Variants in ANKRD12 observed in about 807,000 individuals in gnomAD.
ANKRD12 encodes ankyrin repeat domain 12.
A neutral mutation model predicts 183.4 loss-of-function variants in ANKRD12; 85 were observed. The observed-to-expected ratio is 0.46, with a 90% confidence interval of 0.39 to 0.56. The LOEUF is 0.56. Among genes scored for constraint, ANKRD12 ranks in the 20% least tolerant of loss-of-function variants. The pLI, the probability that ANKRD12 is intolerant of heterozygous loss-of-function variation, is 0.00. For missense variants in ANKRD12, 2,405 were observed against 2,357.1 expected, an observed-to-expected ratio of 1.02 and a Z score of -0.42; for synonymous variants, 914 against 800.2, an observed-to-expected ratio of 1.14 and a Z score of -2.40.
intron 12 of ANKRD12, 62 bp from the exon 13 acceptor site, chr18:9,280,879 T>A: frequency 6.5e-7 from 1 of 1,527,508 alleles, no homozygotes; most frequent in Admixed American, 2.1e-5. Flanking sequence ...TGGATGAGAT[T>A]AATTTTTAAA....
At chr18:9,182,621 T>G in intron 2 of ANKRD12, 102 bp downstream of exon 2, 1 of 654,848 alleles carries the variant, frequency 1.5e-6, no homozygotes, top group Admixed American at 3.5e-5. Flanking sequence ...CCAATATGGA[T>G]GCCAGATAAA....
intron 8 of ANKRD12, chr18:9,235,779 AC>A (rs1285511359): frequency 7.1e-6 from 3 of 423,686 alleles, no homozygotes; most frequent in Non-Finnish European, 1.4e-5. Context: ...TGGAAAAGAA[AC>A]AGAAGAAGAC....
At chr18:9,142,192 G>T (rs965046359) in intron 1 of ANKRD12, among the ~76,000 whole-genome samples, 6 of 152,184 alleles carry the variant, frequency 3.9e-5, no homozygotes, top group Non-Finnish European at 8.8e-5. Context: ...AAAACCATTT[G>T]TGGCTCTCTT....
intron 2 of ANKRD12, among the ~76,000 whole-genome samples, chr18:9,189,548 A>G (rs528866560): frequency 3.9e-5 from 6 of 152,360 alleles, no homozygotes; most frequent in Admixed American, 6.5e-5. Flanking sequence ...CCTGGCTTCA[A>G]AGCTTCAGAG....
At chr18:9,149,609 T>C (rs548768151) in intron 1 of ANKRD12, among the ~76,000 whole-genome samples, 10 of 152,218 alleles carry the variant, frequency 6.6e-5, no homozygotes, top group Admixed American at 2.6e-4. Context: ...AATTTCCTTC[T>C]AATGTATTTT....
At chr18:9,263,362 T>C (rs763818137) in intron 9 of ANKRD12, among the ~76,000 whole-genome samples, 9 of 151,546 alleles carry the variant, frequency 5.9e-5, no homozygotes, top group Non-Finnish European at 8.8e-5. Flanking sequence ...CTCAGGACTT[T>C]AGTGTTTGAT....
At chr18:9,274,291 A>G (rs1200735969) in intron 10 of ANKRD12, among the ~76,000 whole-genome samples, 1 of 152,250 alleles carries the variant, frequency 6.6e-6, no homozygotes, top group Non-Finnish European at 1.5e-5. Context: ...CTTCAAGCCC[A>G]AATGTCTATC....
At chr18:9,173,727 C>A (rs913145721) in intron 1 of ANKRD12, among the ~76,000 whole-genome samples, 4 of 152,080 alleles carry the variant, frequency 2.6e-5, no homozygotes, top group Non-Finnish European at 2.9e-5. Context: ...GGGACAGGAT[C>A]AGGGACCTGC....
Position 9,257,885 on chromosome 18 carries a change from G to C in ANKRD12, c.4618G>C (p.Glu1540Gln). Reference sequence around the variant, plus strand: ...TAGTTCTGCTTTAGATACTGATAATGAATCTACAAAAGATACAGAAAATAC... The same window carrying C: ...TAGTTCTGCTTTAGATACTGATAATCAATCTACAAAAGATACAGAAAATAC... ...IISSALDTDN[E>Q]STKDTENTFV... is the part of the protein sequence containing the mutation. The change falls in exon 9 of 13, where the codon GAA becomes CAA. Residue 1540 changes from glutamate to glutamine, a missense_variant. By Grantham distance (29) the Glu-to-Gln change is conservative. Around this residue, in one of 7 missense-constraint regions of ANKRD12, gnomAD observed 1,983 missense variants for 1,725.9 expected, o/e 1.15. Transcript: ENST00000262126. The C allele has an allele frequency of 6.2e-7, 1 of 1,613,630 alleles. No individual in the cohort carries two copies. The highest frequency in any genetic ancestry group is 8.5e-7 in the Non-Finnish European group (1 of 1,179,870).
At chr18:9,263,694 GT>G (rs751643555) in intron 9 of ANKRD12, 95 bp from the exon 10 acceptor site, 2 of 837,160 alleles carry the variant, frequency 2.4e-6, no homozygotes, top group South Asian at 3.5e-5. Flanking sequence ...ATCAGAATTT[GT>G]TTTTTTATGC....
chr18:9,254,486 T>C lies in ANKRD12; in HGVS notation c.1219T>C (p.Tyr407His), dbSNP rs200576727. The C allele has an allele frequency of 8.4e-6, 13 of 1,550,790 alleles. No individual in the cohort carries two copies. Residue 407 changes from tyrosine to histidine, a missense_variant, in exon 9 of 13, where the codon TAT (tyrosine) becomes CAT (histidine). By Grantham distance (83) the Tyr-to-His change is moderately conservative. Coordinates refer to ENST00000262126, the MANE Select transcript of ANKRD12 (RefSeq NM_015208.5). ...ATTTGCAAAACAGGAGAAAGCCTTC[T>C]ATCCTAAATCATTTAAAAGTAAAAA... Reference protein sequence around the residue: ...HLFAKQEKAFYPKSFKSKKQK... With the variant: ...HLFAKQEKAFHPKSFKSKKQK...
At position 9,257,078 on chromosome 18, in the gene ANKRD12, G is replaced by C; in HGVS notation, c.3811G>C (p.Glu1271Gln). The C allele has an allele frequency of 6.2e-7, 1 of 1,614,098 alleles. No individual in the cohort carries two copies. ...ATTGGACAGCCTGGCTGACTTGCCGGAGCGGATTAAACCACCATATGCAAA... is the reference window on the plus strand; with the variant it reads ...ATTGGACAGCCTGGCTGACTTGCCGCAGCGGATTAAACCACCATATGCAAA... The part of the protein sequence containing the change: ...RELDSLADLP[E>Q]RIKPPYANRL... The change falls in exon 9 of 13, where the codon GAG becomes CAG. Residue 1271 changes from glutamate to glutamine, a missense_variant. By Grantham distance (29) the Glu-to-Gln change is conservative. Transcript: ENST00000262126.
intron 1 of ANKRD12, among the ~76,000 whole-genome samples, chr18:9,173,063 G>C (rs2032900062): frequency 6.9e-6 from 1 of 145,330 alleles, no homozygotes; most frequent in African/African-American, 2.7e-5. Context: ...AGCTGAGGTT[G>C]CTGATTTTTT....
chr18:9,222,137 A>G, intron 8 of ANKRD12, 138 bp downstream of exon 8: 1 of 1,069,300 alleles, frequency 9.4e-7, no homozygotes, highest in Admixed American at 2.5e-5. Context: ...TTAGCTAACT[A>G]GCTAAGAATG....
At position 9,282,668 on chromosome 18, in the gene ANKRD12, G is replaced by C. The variant is rs1041825035; in HGVS notation, c.*1542G>C. On this transcript the variant is annotated 3_prime_UTR_variant, in exon 13 of 13. Coordinates refer to ENST00000262126, the MANE Select transcript of ANKRD12 (RefSeq NM_015208.5). ...TGAATTATAATACTGAATGTTTTCT[G>C]TTCCGATAGAGAAAAGTGAAGCAAA... The C allele has an allele frequency of 6.6e-6, 1 of 152,516 alleles. No homozygotes were observed. Among genetic ancestry groups the C allele is most frequent in the Non-Finnish European group, 1.5e-5 (1 of 67,988 alleles). 9.4% of individuals were successfully genotyped at this position (152,516 alleles called of 1,614,324 possible).
chr18:9,149,793 A>ATTTTTTTTTT (rs11403682), intron 1 of ANKRD12, among the ~76,000 whole-genome samples: 2 of 145,052 alleles, frequency 1.4e-5, no homozygotes, highest in African/African-American at 5.1e-5. Context: ...TATTTATTAA[A>ATTTTTTTTTT]TTTTATTTTT....
intron 5 of ANKRD12, among the ~76,000 whole-genome samples, chr18:9,209,637 G>T (rs370727255): frequency 1.6e-4 from 25 of 152,184 alleles, no homozygotes; most frequent in African/African-American, 5.8e-4. Flanking sequence ...AGGGCTTCCT[G>T]CTTTTAAAAA....
At chr18:9,253,766 A>G (rs758649887) in intron 8 of ANKRD12, among the ~76,000 whole-genome samples, 27 of 152,186 alleles carry the variant, frequency 1.8e-4, no homozygotes, top group Non-Finnish European at 4.4e-5. Flanking sequence ...ACCCTTGTAC[A>G]CTGTTGGTGA....
chr18:9,190,156 G>T (rs1048062081), intron 2 of ANKRD12, among the ~76,000 whole-genome samples: 46 of 152,318 alleles, frequency 3.0e-4, no homozygotes, highest in African/African-American at 1.0e-3. Flanking sequence ...GGATGACTGA[G>T]AGGGTCAAGA....
Sources: allele counts gnomAD v4.1 joint callset (sites outside exome capture counted in the v4.1 genomes callset), GRCh38; gene constraint gnomAD v4.1.1; regional missense constraint gnomAD v4.1.1; transcripts MANE v1.5; gene names NCBI Gene and HGNC (gene_info 2026-07-23, HGNC 2026-07-21).